CDCP1: variants seen among roughly 807,000 people sequenced by gnomAD.
The protein encoded by CDCP1 is CUB domain-containing protein 1.
CDCP1 carries 29 observed loss-of-function variants against 60.2 expected under a neutral mutation model. The ratio of observed to expected loss-of-function variants is 0.48; its 90% confidence interval spans 0.36 to 0.66. The LOEUF is 0.66. Ranked by LOEUF, CDCP1 falls within the 30% of genes least tolerant of loss-of-function variation. The probability of loss-of-function intolerance (pLI) is 0.00; values close to 1 mark genes in which losing one functional copy is unlikely to be tolerated. For missense variants in CDCP1, 876 were observed against 1,074.3 expected (o/e 0.82, Z 2.58); for synonymous variants, 387 against 431.1 (o/e 0.90, Z 1.27).
Position 45,083,793 on chromosome 3 carries a change from C to A in CDCP1, c.*1845G>T. The A allele has an allele frequency of 6.6e-6, 1 of 151,814 alleles. No homozygotes were observed. Among genetic ancestry groups the A allele is most frequent in the East Asian group, 1.9e-4 (1 of 5,142 alleles). 9.4% of individuals were successfully genotyped at this position (151,814 alleles called of 1,614,324 possible). A position where few individuals can be genotyped will look rare whatever the true frequency, so the allele number is the denominator to read the frequency against. On this transcript the variant is annotated 3_prime_UTR_variant, in exon 9 of 9. Coordinates refer to ENST00000296129, the MANE Select transcript of CDCP1 (RefSeq NM_022842.5). ...GCATGGTGGTTTGTGCCAGTGATCC[C>A]AGCTATTTGGGAGGCTGAGGTGGGA... is the stretch of plus-strand genomic sequence containing the variant.
Position 45,095,391 on chromosome 3 carries a change from C to G in CDCP1, c.1202G>C (p.Cys401Ser). Residue 401 changes from cysteine to serine, a missense_variant, in exon 5 of 9, where the codon TGT becomes TCT. Cys to Ser is a moderately radical substitution (Grantham distance 112, BLOSUM62 -1). Around this residue, in one of 2 missense-constraint regions of CDCP1, gnomAD observed 726 missense variants for 935.7 expected, o/e 0.78. Coordinates refer to ENST00000296129, the MANE Select transcript of CDCP1 (RefSeq NM_022842.5). ...CATCCACAGACGTGTCAGATCATCA[C>G]AAAGGAAGGAGATTTTGTGTTTGGA... is the stretch of plus-strand genomic sequence containing the variant. ...SGSKHKISFL[C>S]DDLTRLWMNV... The G allele has an allele frequency of 6.2e-7, 1 of 1,614,184 alleles. No individual in the cohort carries two copies. Among genetic ancestry groups the G allele is most frequent in the Non-Finnish European group, 8.5e-7 (1 of 1,180,046 alleles).
chr3:45,117,795 C>T (rs1420477539), intron 2 of CDCP1, among the ~76,000 whole-genome samples: 4 of 151,966 alleles, frequency 2.6e-5, no homozygotes, highest in Non-Finnish European at 5.9e-5. Flanking sequence ...CAGGGTTTCA[C>T]CATGTTGGCC....
At chr3:45,115,037 G>C (rs578220661) in intron 2 of CDCP1, among the ~76,000 whole-genome samples, 56 of 152,170 alleles carry the variant, frequency 3.7e-4, no homozygotes, top group African/African-American at 1.3e-3. Context: ...CACTTTATTG[G>C]TTTAACTGAT....
At chr3:45,127,230 A>C (rs1699015564) in intron 1 of CDCP1, among the ~76,000 whole-genome samples, 1 of 152,254 alleles carries the variant, frequency 6.6e-6, no homozygotes, top group South Asian at 2.1e-4. Context: ...TTAAGATTTA[A>C]ATTCCACAGA....
At position 45,089,124 on chromosome 3, in the gene CDCP1, T is replaced by C. The variant is rs770438468; in HGVS notation, c.2011A>G (p.Ile671Val). Residue 671 changes from isoleucine to valine, a missense_variant, in exon 8 of 9, where the codon ATC becomes GTC. Ile to Val is a conservative substitution (Grantham distance 29). Transcript: ENST00000296129. ...PRTVDLTVIL[I>V]AAVGGGVLLL... Reference sequence around the variant, plus strand: ...AAGACTCCACCTCCCACCGCTGCGATGAGGATGACAGTCAAGTCTGTGAGC... The same window carrying C: ...AAGACTCCACCTCCCACCGCTGCGACGAGGATGACAGTCAAGTCTGTGAGC... The C allele has an allele frequency of 9.3e-6, 15 of 1,613,802 alleles. No individual in the cohort carries two copies. The highest frequency in any genetic ancestry group is 1.3e-5 in the Non-Finnish European group (15 of 1,179,940).
intron 1 of CDCP1, among the ~76,000 whole-genome samples, chr3:45,131,296 A>C (rs1231903241): frequency 6.6e-6 from 1 of 152,204 alleles, no homozygotes; most frequent in Non-Finnish European, 1.5e-5. Context: ...TATTATAGTA[A>C]AATATGCATA....
rs779062651 is a variant in CDCP1 at position 45,118,614 on chromosome 3, A to T, written c.90T>A (p.Phe30Leu). The T allele has an allele frequency of 1.9e-6, 3 of 1,612,640 alleles. No homozygotes were observed. In the African/African-American group the frequency reaches 4.0e-5, roughly 22 times the overall value. The change falls in exon 2 of 9, where the codon TTT becomes TTA. Residue 30 changes from phenylalanine to leucine, a missense_variant. Physicochemically the swap from Phe to Leu is conservative, Grantham distance 22. Coordinates refer to ENST00000296129, the MANE Select transcript of CDCP1 (RefSeq NM_022842.5). Reference sequence around the variant, plus strand: ...TGCTTTCTCGTGGCAGAGCAATCTCAAAAGCTTCTGAAGGAAGGAAGGAAA... The same window carrying T: ...TGCTTTCTCGTGGCAGAGCAATCTCTAAAGCTTCTGAAGGAAGGAAGGAAA... ...AARLPRGAEA[F>L]EIALPRESNI...
At chr3:45,101,530 A>G (rs1698484658) in intron 4 of CDCP1, among the ~76,000 whole-genome samples, 1 of 152,170 alleles carries the variant, frequency 6.6e-6, no homozygotes, top group Non-Finnish European at 1.5e-5. Flanking sequence ...AAACTCTGCC[A>G]ACTGCCATCC....
rs1448071974 is a variant in CDCP1 at position 45,083,981 on chromosome 3, G to T, written c.*1657C>A. 6.6e-6 allele frequency: 1 copy of T among 151,764 alleles called. No individual in the cohort carries two copies. The highest frequency in any genetic ancestry group is 1.5e-5 in the Non-Finnish European group (1 of 67,964). The allele number at this position is 151,764 out of a possible 1,614,324, so 9.4% of individuals were successfully genotyped here. ...AATGTGAGCACACATTGGTCTCATG[G>T]TCTACTCACCTGATTAGAGATTAAT... On this transcript the variant is annotated 3_prime_UTR_variant, in exon 9 of 9. Coordinates refer to ENST00000296129, the MANE Select transcript of CDCP1 (RefSeq NM_022842.5).
chr3:45,112,009 A>G (rs1270304414), intron 3 of CDCP1, 74 bp downstream of exon 3: 2 of 1,528,636 alleles, frequency 1.3e-6, no homozygotes, highest in Non-Finnish European at 1.8e-6. Flanking sequence ...CTGACATTTG[A>G]CCATTTCTGA....
Position 45,138,977 on chromosome 3 carries a change from C to T in CDCP1, c.82+7229G>A, listed in dbSNP as rs139406590. ...GAGGGCCTCAGGCTGCTTCCACTCA[C>T]GGCAGAGGGCAAAGGGGATCTGGTG... On this transcript the variant is annotated intron_variant, in intron 1 of 8. Transcript: ENST00000296129. 5.5e-3 allele frequency among the ~76,000 whole-genome samples: 845 copies of T among 152,304 alleles called. 8 individuals carry two copies. The highest frequency in any genetic ancestry group is 0.019 in the African/African-American group (788 of 41,556).
intron 1 of CDCP1, among the ~76,000 whole-genome samples, chr3:45,130,343 A>T (rs1699068544): frequency 6.6e-6 from 1 of 151,680 alleles, no homozygotes; most frequent in Non-Finnish European, 1.5e-5. Context: ...TTGGTCTTGA[A>T]CTCCTGGGCT....
At position 45,135,297 on chromosome 3, in the gene CDCP1, GA is replaced by G. The variant is rs66585079; in HGVS notation, c.82+10908del. 5.7e-3 allele frequency among the ~76,000 whole-genome samples: 794 copies of G among 139,134 alleles called. 3 individuals carry two copies. Among genetic ancestry groups the G allele is most frequent in the Middle Eastern group, 0.031 (8 of 256 alleles). 91.3% of individuals were successfully genotyped at this position (139,134 alleles called of 152,430 possible). On this transcript the variant is annotated intron_variant, in intron 1 of 8. Transcript: ENST00000296129. ...CCAAAGCACATTGTGTGGGTGGATAGAAAAAAAAAAAAACAAAAAACAGATG... is the reference window on the plus strand; with the variant it reads ...CCAAAGCACATTGTGTGGGTGGATAGAAAAAAAAAAAACAAAAAACAGATG...
chr3:45,118,690 C>A, intron 1 of CDCP1, 69 bp from the exon 2 acceptor site: 2 of 1,281,104 alleles, frequency 1.6e-6, no homozygotes, highest in Non-Finnish European at 2.3e-6. Flanking sequence ...GTCCCCGACC[C>A]CAATCTGGTT....
At position 45,118,627 on chromosome 3, in the gene CDCP1, G is replaced by C. The variant is rs1180422256; in HGVS notation, c.83-6C>G. 6.2e-7 allele frequency: 1 copy of C among 1,612,528 alleles called. No homozygotes were observed. The highest frequency in any genetic ancestry group is 2.2e-5 in the East Asian group (1 of 44,868). On this transcript the variant is annotated splice_region_variant and splice_polypyrimidine_tract_variant and intron_variant, in intron 1 of 8. Coordinates refer to ENST00000296129, the MANE Select transcript of CDCP1 (RefSeq NM_022842.5). ...CAGAGCAATCTCAAAAGCTTCTGAA[G>C]GAAGGAAGGAAAATGAAGTAAGCAG...
At chr3:45,093,695 G>T in intron 5 of CDCP1, 38 bp from the exon 6 acceptor site, 3 of 1,572,344 alleles carry the variant, frequency 1.9e-6, no homozygotes, top group South Asian at 2.4e-5. Context: ...GCACAAAGGA[G>T]ACCAGAAGTG....
In CDCP1 at chr3:45,085,674, T is replaced by C. The variant is rs1398718309; in HGVS notation, c.2475A>G (p.Leu825=). ...DVSSKDTDIP[L]LNTQEPMEPA... is the part of the protein sequence containing the mutation. ...GCTCCATGGGCTCCTGAGTGTTCAG[T>C]AAGGGAATGTCTGTGTCCTTGCTGC... The change falls in exon 9 of 9, where the codon TTA becomes TTG. Residue 825 remains leucine, a synonymous_variant. Transcript: ENST00000296129. The surrounding 1 kb of genome is among the most constrained non-coding windows in gnomAD (Gnocchi z 4.2). 6.2e-7 allele frequency: 1 copy of C among 1,613,982 alleles called. No individual in the cohort carries two copies. Among genetic ancestry groups the C allele is most frequent in the African/African-American group, 1.3e-5 (1 of 74,938 alleles).
rs565102788 is a variant in CDCP1, at chr3:45,124,385, C to T, written c.83-5764G>A. On this transcript the variant is annotated intron_variant, in intron 1 of 8. Coordinates refer to ENST00000296129, the MANE Select transcript of CDCP1 (RefSeq NM_022842.5). ...TCTGGGTGTGGTTGCCTGTGGGACT[C>T]GGCTCTCATTCACCTTCTCTGTCCA... Among the ~76,000 whole-genome samples the T allele has an allele frequency of 5.3e-5, 8 of 152,272 alleles. No homozygotes were observed. The South Asian group carries it at 1.2e-3, about 24-fold the overall frequency.
In CDCP1 at chr3:45,091,563, G is replaced by A; in HGVS notation, c.1628-25C>T. 1 of 1,570,640 alleles carries A rather than the reference G, an allele frequency of 6.4e-7. No individual in the cohort carries two copies. The highest frequency in any genetic ancestry group is 1.2e-5 in the South Asian group (1 of 86,292). ...TCTGCAGGAAAGGGAGGGAGATCCA[G>A]ACAGATGTTTCATTCAGTCAACATG... is the stretch of plus-strand genomic sequence containing the variant. On this transcript the variant is annotated intron_variant, in intron 6 of 8. Transcript: ENST00000296129. The surrounding 1 kb of genome is among the most constrained non-coding windows in gnomAD (Gnocchi z 4.8).
Sources: allele counts gnomAD v4.1 joint callset (sites outside exome capture counted in the v4.1 genomes callset), GRCh38; gene constraint gnomAD v4.1.1; regional missense constraint gnomAD v4.1.1; non-coding constraint Gnocchi (gnomAD v3.1); transcripts MANE v1.5; gene names NCBI Gene and HGNC (gene_info 2026-07-23, HGNC 2026-07-21).